The following COG6 variants were observed in gnomAD, a reference collection of about 807,000 sequenced individuals.
COG6 encodes the protein conserved oligomeric Golgi complex subunit 6.
COG6 carries 74 observed loss-of-function variants against 88.8 expected under a neutral mutation model. The ratio of observed to expected loss-of-function variants is 0.83; its 90% CI spans 0.69 to 1.01. The LOEUF is 1.01. COG6 is among the 50% of genes least tolerant of loss of function. COG6 has a pLI of 0.00. For missense variants in COG6, 800 were observed against 797.9 expected, an observed-to-expected ratio of 1.00 and a Z score of -0.03; for synonymous variants, 286 against 278.7, an observed-to-expected ratio of 1.03 and a Z score of -0.26.
intron 18 of COG6, among the ~76,000 whole-genome samples, chr13:39,766,124 C>T (rs1881157196): frequency 6.6e-6 from 1 of 152,242 alleles, no homozygotes; most frequent in Non-Finnish European, 1.5e-5. Flanking sequence ...CTCCACCCTT[C>T]TCGCCCATCT....
At chr13:39,731,214 C>T (rs1033271376) in intron 18 of COG6, among the ~76,000 whole-genome samples, 2 of 152,102 alleles carry the variant, frequency 1.3e-5, no homozygotes, top group African/African-American at 2.4e-5. Flanking sequence ...AGTTGCAATA[C>T]CTTTGGGACA....
chr13:39,782,381 G>A (rs1342226068), intron 18 of COG6, among the ~76,000 whole-genome samples: 1 of 152,216 alleles, frequency 6.6e-6, no homozygotes, highest in Non-Finnish European at 1.5e-5. Context: ...ATTTTAGTTA[G>A]AAGTTGTAGT....
intron 12 of COG6, among the ~76,000 whole-genome samples, chr13:39,695,594 A>T (rs1188724096): frequency 6.6e-6 from 1 of 151,898 alleles, no homozygotes; most frequent in Non-Finnish European, 1.5e-5. Flanking sequence ...TTCAGGGAGC[A>T]CTAGTTTACA....
chr13:39,727,081 A>G (rs1023706004), intron 17 of COG6, among the ~76,000 whole-genome samples: 2 of 151,994 alleles, frequency 1.3e-5, no homozygotes, highest in African/African-American at 4.8e-5. Flanking sequence ...TACCTTTTCA[A>G]TGGTAGGTAT....
At chr13:39,737,454 G>A (rs1171000965) in intron 18 of COG6, among the ~76,000 whole-genome samples, 2 of 151,398 alleles carry the variant, frequency 1.3e-5, no homozygotes, top group African/African-American at 4.9e-5. Context: ...TGTCTGGGAT[G>A]CAGGGCCTGG....
intron 18 of COG6, among the ~76,000 whole-genome samples, chr13:39,737,655 A>G (rs1237913195): frequency 6.6e-6 from 1 of 151,804 alleles, no homozygotes; most frequent in African/African-American, 2.4e-5. Context: ...TGGCTGCCCT[A>G]GCTGGTGTCT....
intron 18 of COG6, among the ~76,000 whole-genome samples, chr13:39,738,464 G>A (rs535623195): frequency 2.0e-5 from 3 of 152,212 alleles, no homozygotes; most frequent in African/African-American, 7.2e-5. Flanking sequence ...AAAAGTAATT[G>A]TATCAAAAGA....
At chr13:39,727,609 AT>A (rs1379664897) in intron 18 of COG6, 61 bp downstream of exon 18, 7 of 1,211,290 alleles carry the variant, frequency 5.8e-6, no homozygotes, top group South Asian at 1.2e-5. Flanking sequence ...TATCAAGTAC[AT>A]TTTTTTGGAA....
In COG6 at chr13:39,752,099, T is replaced by A; in HGVS notation, c.*1006T>A. The A allele has an allele frequency of 7.8e-7, 1 of 1,283,140 alleles. No individual in the cohort carries two copies. Among genetic ancestry groups the A allele is most frequent in the East Asian group, 5.6e-5 (1 of 17,998 alleles). The allele number at this position is 1,283,140 out of a possible 1,614,324, so 79.5% of individuals were successfully genotyped here. On this transcript the variant is annotated 3_prime_UTR_variant, in exon 19 of 19. Transcript: ENST00000455146. ...ATTAGGAAGATTAAAAATGACTGTA[T>A]TTTTAAAGGAATAAATCCCAGTGTG...
At chr13:39,737,389 G>A (rs977437464) in intron 18 of COG6, among the ~76,000 whole-genome samples, 1 of 151,980 alleles carries the variant, frequency 6.6e-6, no homozygotes, top group South Asian at 2.1e-4. Context: ...TGAGGCTTGT[G>A]TCCTTCCCTT....
chr13:39,737,232 G>A lies in COG6; in HGVS notation c.1826+9684G>A, dbSNP rs146369228. On this transcript the variant is annotated intron_variant, in intron 18 of 18. Transcript: ENST00000455146. Reference sequence around the variant, plus strand: ...GGGGAGTGGTGATACATGCCTCTTCGTGGCACCACCACTGGTACTGCGCTG... The same window carrying A: ...GGGGAGTGGTGATACATGCCTCTTCATGGCACCACCACTGGTACTGCGCTG... 3.2e-3 allele frequency among the ~76,000 whole-genome samples: 487 copies of A among 152,104 alleles called. 1 individual carries two copies. The highest frequency in any genetic ancestry group is 0.011 in the African/African-American group (448 of 41,474).
At chr13:39,689,862 T>A (rs762545327) in intron 11 of COG6, 38 bp downstream of exon 11, 1 of 1,241,756 alleles carries the variant, frequency 8.1e-7, no homozygotes, top group Non-Finnish European at 1.2e-6. Flanking sequence ...ATATGGTACC[T>A]GCTTAAATTA....
chr13:39,788,526 G>A, exon 19 of COG6: 2 of 630,960 alleles, frequency 3.2e-6, no homozygotes, highest in South Asian at 2.0e-5. Context: ...ATGCTGTGAG[G>A]GATGAACCAA....
intron 4 of COG6, among the ~76,000 whole-genome samples, chr13:39,667,595 A>G (rs1250751908): frequency 1.3e-5 from 2 of 152,198 alleles, no homozygotes; most frequent in East Asian, 3.8e-4. Flanking sequence ...AGCATCTTCA[A>G]TCCAATCCTT....
intron 18 of COG6, among the ~76,000 whole-genome samples, chr13:39,758,022 C>T (rs1225550254): frequency 2.0e-5 from 3 of 151,190 alleles, no homozygotes; most frequent in African/African-American, 7.3e-5. Flanking sequence ...GAGATCGAGA[C>T]CATCCTGTCC....
Position 39,679,563 on chromosome 13 carries a change from T to C in COG6, c.566T>C (p.Val189Ala). The change falls in exon 6 of 19, where the codon GTA becomes GCA. Residue 189 changes from valine to alanine, a missense_variant. By Grantham distance (64) the Val-to-Ala change is moderately conservative. Coordinates refer to ENST00000455146, the MANE Select transcript of COG6 (RefSeq NM_020751.3). ...GATTTTTTCAAGGCACTGGGAAGAG[T>C]AAAACAGATTCATAATGATGTCAAA... Reference protein sequence around the residue: ...TEDFFKALGRVKQIHNDVKVL... With the variant: ...TEDFFKALGRAKQIHNDVKVL... 1 of 1,602,162 alleles carries C rather than the reference T, an allele frequency of 6.2e-7. No individual in the cohort carries two copies. The highest frequency in any genetic ancestry group is 8.6e-7 in the Non-Finnish European group (1 of 1,169,480).
chr13:39,678,925 A>G (rs964027381), intron 5 of COG6, among the ~76,000 whole-genome samples: 2 of 151,836 alleles, frequency 1.3e-5, no homozygotes, highest in Non-Finnish European at 2.9e-5. Flanking sequence ...GAGGGTTATT[A>G]TTATTATTAT....
intron 1 of COG6, among the ~76,000 whole-genome samples, chr13:39,657,577 TG>T (rs1424060798): frequency 6.6e-6 from 1 of 152,194 alleles, no homozygotes; most frequent in Non-Finnish European, 1.5e-5. Flanking sequence ...AACATATTTT[TG>T]CTTCCTCTGA....
At position 39,723,724 on chromosome 13, in the gene COG6, GT is replaced by G. The variant is rs541968683; in HGVS notation, c.1692+289del. Among the ~76,000 whole-genome samples the G allele has an allele frequency of 4.8e-3, 730 of 152,048 alleles. 2 individuals are homozygous for G. Among genetic ancestry groups the G allele is most frequent in the African/African-American group, 0.017 (701 of 41,518 alleles). ...TTAACAATCCTTTTTATTAAAAATA[GT>G]TTTTGTTAAAAGTAATGAAAATATA... is the stretch of plus-strand genomic sequence containing the variant. On this transcript the variant is annotated intron_variant, in intron 16 of 18. Coordinates refer to ENST00000455146, the MANE Select transcript of COG6 (RefSeq NM_020751.3).
Sources: allele counts gnomAD v4.1 joint callset (sites outside exome capture counted in the v4.1 genomes callset), GRCh38; gene constraint gnomAD v4.1.1; transcripts MANE v1.5; gene names NCBI Gene and HGNC (gene_info 2026-07-23, HGNC 2026-07-21).